The following OSBPL9 variants were observed in gnomAD, a reference collection of about 807,000 sequenced individuals.
OSBPL9 encodes the protein oxysterol binding protein like 9.
In OSBPL9, 40 loss-of-function variants were observed where a neutral mutation model predicts 106.6. That is an observed-to-expected ratio of 0.38 (90% CI 0.29 to 0.49). The LOEUF (loss-of-function observed/expected upper bound fraction) is 0.49, where lower values mean the gene tolerates loss of function less well. Among genes scored for constraint, OSBPL9 ranks in the 20% least tolerant of loss-of-function variants. The pLI, the probability that OSBPL9 is intolerant of heterozygous loss-of-function variation, is 0.97. For synonymous variants in OSBPL9, 269 were observed against 295.4 expected, an observed-to-expected ratio of 0.91 and a Z score of 0.92; for missense variants, 609 against 887.2, an observed-to-expected ratio of 0.69 and a Z score of 3.98.
chr1:51,764,598 T>C (rs1005939738), intron 11 of OSBPL9, among the ~76,000 whole-genome samples: 3 of 151,904 alleles, frequency 2.0e-5, no homozygotes, highest in Non-Finnish European at 2.9e-5. Flanking sequence ...TTTTTTTTTT[T>C]TGAGACAAGG....
chr1:51,625,715 G>T (rs1468390095), intron 1 of OSBPL9, among the ~76,000 whole-genome samples: 1 of 151,912 alleles, frequency 6.6e-6, no homozygotes, highest in Admixed American at 6.6e-5. Context: ...GTAGAGATGG[G>T]GTTTCACCAT....
chr1:51,760,849 T>A (rs1671339562), intron 10 of OSBPL9, 69 bp downstream of exon 10: 14 of 1,505,896 alleles, frequency 9.3e-6, no homozygotes, highest in Non-Finnish European at 1.3e-5. Context: ...GTCATAGCAG[T>A]CTTAGCTATT....
At chr1:51,615,601 G>GT (rs1270454003), upstream of OSBPL9, among the ~76,000 whole-genome samples, 2 of 152,062 alleles carry the variant, frequency 1.3e-5, no homozygotes, top group African/African-American at 4.8e-5. Flanking sequence ...ATTCTCTAGT[G>GT]TCTTCGATCT....
the OSBPL9 span, among the ~76,000 whole-genome samples, chr1:51,564,063 A>AAAAAAAAAAAAAAAAAAAAG: frequency 1.4e-5 from 2 of 147,868 alleles, no homozygotes; most frequent in Admixed American, 6.8e-5. Flanking sequence ...AAAAAAAAAA[A>AAAAAAAAAAAAAAAAAAAAG]AAAAAAAGAA....
At chr1:51,564,183 A>C in the OSBPL9 span, among the ~76,000 whole-genome samples, 11 of 151,840 alleles carry the variant, frequency 7.2e-5, no homozygotes, top group Admixed American at 3.3e-4. Context: ...ATCATCATCT[A>C]TATGAAGGTC....
intron 3 of OSBPL9, among the ~76,000 whole-genome samples, chr1:51,675,383 T>G (rs940946781): frequency 1.4e-4 from 21 of 151,328 alleles, no homozygotes; most frequent in Admixed American, 3.3e-4. Flanking sequence ...ATTTATTTAT[T>G]TATTTTTTGT....
chr1:51,723,956 T>C (rs1662625005), intron 4 of OSBPL9, among the ~76,000 whole-genome samples: 1 of 152,194 alleles, frequency 6.6e-6, no homozygotes, highest in South Asian at 2.1e-4. Flanking sequence ...CTCAGTCCTT[T>C]ATTTTATTTG....
chr1:51,645,005 T>C (rs1386732093), intron 1 of OSBPL9, among the ~76,000 whole-genome samples: 3 of 152,190 alleles, frequency 2.0e-5, no homozygotes, highest in African/African-American at 7.2e-5. Context: ...GGAAAGTGTT[T>C]AGGCAGTCCC....
chr1:51,612,149 A>T (rs888481796), upstream of OSBPL9, among the ~76,000 whole-genome samples: 53 of 152,336 alleles, frequency 3.5e-4, 1 homozygote, highest in African/African-American at 1.2e-3. Flanking sequence ...CTCAATAAAT[A>T]TACAGAATAG....
intron 1 of OSBPL9, among the ~76,000 whole-genome samples, chr1:51,630,727 G>A (rs1645054418): frequency 6.6e-6 from 1 of 152,036 alleles, no homozygotes; most frequent in Non-Finnish European, 1.5e-5. Context: ...ATTAACCTTA[G>A]CTTACTGTAG....
intron 4 of OSBPL9, among the ~76,000 whole-genome samples, chr1:51,743,881 C>T (rs1255212996): frequency 1.3e-5 from 2 of 152,106 alleles, no homozygotes; most frequent in African/African-American, 2.4e-5. Flanking sequence ...ATGTCTCTAA[C>T]AGGAACTTCT....
chr1:51,521,329 G>C, the OSBPL9 span, among the ~76,000 whole-genome samples: 4 of 152,176 alleles, frequency 2.6e-5, no homozygotes. Context: ...GCTTTGGGGA[G>C]TATAATTTCA....
intron 3 of OSBPL9, chr1:51,708,091 G>T (rs1166507112): frequency 4.5e-6 from 1 of 221,828 alleles, no homozygotes. Flanking sequence ...AGAAGCCCTG[G>T]TGACCAGGTG....
rs928130293 is a variant in OSBPL9 at position 51,729,220 on chromosome 1, G to C, written c.318+15141G>C. ...TAAAAATATAGGCGCTCACGCTTTT[G>C]TTTACCGATATAGTATCTCCTCCTC... On this transcript the variant is annotated intron_variant, in intron 4 of 23. Coordinates refer to ENST00000428468, the MANE Select transcript of OSBPL9 (RefSeq NM_024586.6). The surrounding 1 kb of genome is among the most constrained non-coding windows in gnomAD (Gnocchi z 5.1). 1 of 152,178 alleles carries C rather than the reference G, an allele frequency of 6.6e-6. No individual in the cohort carries two copies. Among genetic ancestry groups the C allele is most frequent in the African/African-American group, 2.4e-5 (1 of 41,426 alleles). 9.4% of individuals were successfully genotyped at this position (152,178 alleles called of 1,614,324 possible).
At chr1:51,767,308 TC>T (rs1672772120) in intron 12 of OSBPL9, among the ~76,000 whole-genome samples, 1 of 150,068 alleles carries the variant, frequency 6.7e-6, no homozygotes, top group South Asian at 2.1e-4. Flanking sequence ...TGGGAGAATC[TC>T]TTGAACACAG....
chr1:51,525,986 C>T, the OSBPL9 span, among the ~76,000 whole-genome samples: 1 of 152,142 alleles, frequency 6.6e-6, no homozygotes, highest in Non-Finnish European at 1.5e-5. Context: ...AGTTGATCCT[C>T]CTACCTCAGC....
At chr1:51,657,970 G>A (rs1646917353) in intron 2 of OSBPL9, among the ~76,000 whole-genome samples, 1 of 151,974 alleles carries the variant, frequency 6.6e-6, no homozygotes, top group Admixed American at 6.6e-5. Context: ...TTGGCTGGGT[G>A]TGGTGGCTTA....
chr1:51,734,143 T>C, intron 4 of OSBPL9, among the ~76,000 whole-genome samples: 1 of 152,240 alleles, frequency 6.6e-6, no homozygotes, highest in Non-Finnish European at 1.5e-5. Context: ...TGTGTGTGTA[T>C]ACATGTGCGC....
chr1:51,711,236 G>C (rs1405531827), intron 3 of OSBPL9, among the ~76,000 whole-genome samples: 2 of 151,108 alleles, frequency 1.3e-5, no homozygotes, highest in East Asian at 2.0e-4. Flanking sequence ...CCTCCCAGAC[G>C]GGGTGGTGGC....
Sources: allele counts gnomAD v4.1 joint callset (sites outside exome capture counted in the v4.1 genomes callset), GRCh38; gene constraint gnomAD v4.1.1; non-coding constraint Gnocchi (gnomAD v3.1); transcripts MANE v1.5; gene names NCBI Gene and HGNC (gene_info 2026-07-23, HGNC 2026-07-21).